The following NRXN3 variants were observed in gnomAD, a reference collection of about 807,000 sequenced individuals.
The protein encoded by NRXN3 is neurexin III.
Under a neutral mutation model 137.6 loss-of-function variants are expected in NRXN3, and 32 were observed. That is an observed-to-expected ratio of 0.23 (90% CI 0.18 to 0.31). The LOEUF (loss-of-function observed/expected upper bound fraction) is 0.31, where lower values mean the gene tolerates loss of function less well. Ranked by LOEUF, NRXN3 falls within the 10% of genes least tolerant of loss-of-function variation. The pLI, the probability that NRXN3 is intolerant of heterozygous loss-of-function variation, is 1.00. For synonymous variants in NRXN3, 798 were observed against 784.5 expected, an observed-to-expected ratio of 1.02 and a Z score of -0.29; for missense variants, 1,574 against 2,062.5, an observed-to-expected ratio of 0.76 and a Z score of 4.59.
intron 4 of NRXN3, among the ~76,000 whole-genome samples, chr14:78,540,525 G>C (rs1566688632): frequency 6.7e-6 from 1 of 149,302 alleles, no homozygotes; most frequent in African/African-American, 2.5e-5. Context: ...CACATGAGAT[G>C]GGTCTCCTGA....
intron 10 of NRXN3, among the ~76,000 whole-genome samples, chr14:78,936,197 C>T (rs1432491787): frequency 2.0e-5 from 3 of 152,210 alleles, no homozygotes; most frequent in Non-Finnish European, 4.4e-5. Context: ...CACCTTTCCA[C>T]TGTGGTTCAT....
At chr14:79,770,066 A>G (rs373807195) in intron 19 of NRXN3, among the ~76,000 whole-genome samples, 18,164 of 151,326 alleles carry the variant, frequency 0.12, 1,245 homozygotes, top group Middle Eastern at 0.21. Context: ...TTCAACAAGA[A>G]GAGCTAACTA....
chr14:79,186,072 T>C (rs1358608840), intron 15 of NRXN3, among the ~76,000 whole-genome samples: 1 of 152,178 alleles, frequency 6.6e-6, no homozygotes, highest in African/African-American at 2.4e-5. Context: ...ACATATCTCA[T>C]AGGGTTTCTG....
intron 3 of NRXN3, among the ~76,000 whole-genome samples, chr14:78,297,543 A>T (rs1025710792): frequency 1.3e-5 from 2 of 152,186 alleles, no homozygotes; most frequent in South Asian, 4.1e-4. Flanking sequence ...CGGTAAAAGG[A>T]AAGTTCTCGT....
intron 15 of NRXN3, among the ~76,000 whole-genome samples, chr14:79,126,856 T>G (rs956933514): frequency 2.8e-4 from 43 of 152,306 alleles, no homozygotes; most frequent in Admixed American, 1.6e-3. Context: ...GACTTTTTAA[T>G]GATTGCCATT....
intron 19 of NRXN3, among the ~76,000 whole-genome samples, chr14:79,740,873 C>A (rs553171734): frequency 6.7e-6 from 1 of 150,358 alleles, no homozygotes; most frequent in African/African-American, 2.4e-5. Flanking sequence ...ATGTTTTCAT[C>A]CCTTAACACC....
Position 78,547,839 on chromosome 14 carries a change from T to A in NRXN3, c.758-97281T>A, listed in dbSNP as rs2096651119. ...ATATATAAATCAGTAGGAAGAGCAC[T>A]GTCAATCTAATATTTTTAATTAATT... On this transcript the variant is annotated intron_variant, in intron 4 of 20. Coordinates refer to ENST00000335750, the MANE Select transcript of NRXN3 (RefSeq NM_001330195.2). Among the ~76,000 whole-genome samples the A allele has an allele frequency of 2.0e-5, 3 of 152,256 alleles. No individual in the cohort carries two copies. In the South Asian group the frequency reaches 6.2e-4, roughly 32 times the overall value.
chr14:78,871,483 C>T (rs2099101219), intron 10 of NRXN3, among the ~76,000 whole-genome samples: 1 of 152,080 alleles, frequency 6.6e-6, no homozygotes, highest in African/African-American at 2.4e-5. Flanking sequence ...CTAGAATCCC[C>T]TTTGGGTTAA....
intron 16 of NRXN3, among the ~76,000 whole-genome samples, chr14:79,514,713 C>T (rs916830044): frequency 2.0e-5 from 3 of 152,234 alleles, no homozygotes; most frequent in East Asian, 3.9e-4. Flanking sequence ...TAAGCTAGAA[C>T]CATGGCTCAC....
At chr14:79,660,363 G>A (rs1426304185) in intron 16 of NRXN3, among the ~76,000 whole-genome samples, 1 of 152,090 alleles carries the variant, frequency 6.6e-6, no homozygotes, top group Non-Finnish European at 1.5e-5. Flanking sequence ...CCACATCTGA[G>A]ATCTAGCACG....
intron 15 of NRXN3, among the ~76,000 whole-genome samples, chr14:79,342,696 A>T (rs999797051): frequency 1.3e-5 from 2 of 152,280 alleles, no homozygotes; most frequent in Non-Finnish European, 2.9e-5. Flanking sequence ...ATTAGTTAGG[A>T]TGCTTTGGAG....
intron 19 of NRXN3, among the ~76,000 whole-genome samples, chr14:79,763,489 C>CATG (rs140584357): frequency 0.54 from 81,205 of 150,806 alleles, 22,814 homozygotes; most frequent in Middle Eastern, 0.66. Context: ...TAATGCCATT[C>CATG]ATGACAGTGA....
At chr14:79,005,986 A>G (rs1374852993) in intron 15 of NRXN3, among the ~76,000 whole-genome samples, 2 of 152,104 alleles carry the variant, frequency 1.3e-5, no homozygotes, top group African/African-American at 2.4e-5. Flanking sequence ...GGTAGGTACA[A>G]TGCCTCGTTT....
intron 10 of NRXN3, among the ~76,000 whole-genome samples, chr14:78,921,648 C>A (rs899803800): frequency 6.6e-6 from 1 of 152,230 alleles, no homozygotes; most frequent in African/African-American, 2.4e-5. Context: ...AAAGATTAGT[C>A]AGAGAAGATG....
rs1216236424 is a variant in NRXN3 at position 78,471,332 on chromosome 14, A to ACACC, written c.757+173473_757+173474insACCC. On this transcript the variant is annotated intron_variant, in intron 4 of 20. Coordinates refer to ENST00000335750, the MANE Select transcript of NRXN3 (RefSeq NM_001330195.2). The stretch of plus-strand genomic sequence containing the variant: ...CACACACACACACACACACACACAC[A>ACACC]CCCCCAAGAAATTCACCTCTGGCTC... 1.4e-4 allele frequency among the ~76,000 whole-genome samples: 3 copies of ACACC among 22,102 alleles called. No homozygotes were observed. The East Asian group carries it at 4.0e-3, about 29-fold the overall frequency. The allele number at this position is 22,102 out of a possible 152,430, so 14.5% of individuals were successfully genotyped here.
intron 15 of NRXN3, among the ~76,000 whole-genome samples, chr14:79,125,006 TG>T (rs2056146242): frequency 6.6e-6 from 1 of 152,224 alleles, no homozygotes; most frequent in South Asian, 2.1e-4. Context: ...TTTGTATATT[TG>T]TTTTGTACAT....
At chr14:79,358,658 AAAGAAAGAAAGT>A (rs1566903317) in intron 15 of NRXN3, among the ~76,000 whole-genome samples, 2 of 150,484 alleles carry the variant, frequency 1.3e-5, no homozygotes, top group African/African-American at 4.9e-5. Flanking sequence ...AGAAAGAAAG[AAAGAAAGAAAGT>A]GTCCTAAAAG....
intron 10 of NRXN3, among the ~76,000 whole-genome samples, chr14:78,825,097 C>G (rs1472584549): frequency 6.6e-6 from 1 of 151,070 alleles, no homozygotes; most frequent in Admixed American, 6.6e-5. Context: ...CTTACCCACC[C>G]TGGATAGAAA....
At chr14:78,556,909 C>T (rs2096742876) in intron 4 of NRXN3, among the ~76,000 whole-genome samples, 1 of 120,234 alleles carries the variant, frequency 8.3e-6, no homozygotes, top group Admixed American at 8.1e-5. Context: ...TCCCCTCCCC[C>T]TCCCCCTTCC....
Sources: gnomAD v4.1 joint callset for allele counts (sites outside exome capture counted in the v4.1 genomes callset) on GRCh38, gnomAD v4.1.1 for gene constraint, MANE v1.5 for transcripts, NCBI Gene and HGNC (gene_info 2026-07-23, HGNC 2026-07-21) for gene names.